Variants in KCNJ6 observed in about 807,000 individuals in gnomAD.
KCNJ6 encodes the protein potassium inwardly rectifying channel subfamily J member 6.
Under a neutral mutation model 34.2 loss-of-function variants are expected in KCNJ6, and 9 were observed. The ratio of observed to expected loss-of-function variants is 0.26; its 90% CI spans 0.16 to 0.46. KCNJ6 has a LOEUF of 0.46. KCNJ6 is among the 20% of genes least tolerant of loss of function. KCNJ6 has a pLI of 1.00. For synonymous variants in KCNJ6, 196 were observed against 207.1 expected (o/e 0.95, Z 0.46); for missense variants, 236 against 531.3 (o/e 0.44, Z 5.46).
At chr21:37,895,607 C>T (rs1002724760) in intron 1 of KCNJ6, among the ~76,000 whole-genome samples, 1 of 152,204 alleles carries the variant, frequency 6.6e-6, no homozygotes, top group Non-Finnish European at 1.5e-5. Flanking sequence ...CTGTCCCTCC[C>T]ACCTGGTGAA....
In KCNJ6 at chr21:37,611,489, T is replaced by C. The variant is rs2054242449; in HGVS notation, c.*13670A>G. 6.6e-6 allele frequency: 1 copy of C among 152,210 alleles called. No homozygotes were observed. The allele number at this position is 152,210 out of a possible 1,614,324, so 9.4% of individuals were successfully genotyped here. On this transcript the variant is annotated 3_prime_UTR_variant, in exon 4 of 4. Coordinates refer to ENST00000609713, the MANE Select transcript of KCNJ6 (RefSeq NM_002240.5). ...AGCAGAGAGAACACTTGCTAACTCA[T>C]TCTATGAATCCAGCATCACCTTAAT... is the stretch of plus-strand genomic sequence containing the variant.
At chr21:37,885,205 C>A (rs552487474) in intron 1 of KCNJ6, among the ~76,000 whole-genome samples, 34 of 152,292 alleles carry the variant, frequency 2.2e-4, no homozygotes, top group Admixed American at 8.5e-4. Flanking sequence ...GCCACTTCAT[C>A]ACATAGCAGG....
intron 3 of KCNJ6, among the ~76,000 whole-genome samples, chr21:37,713,262 T>C (rs2054772039): frequency 6.6e-6 from 1 of 152,186 alleles, no homozygotes; most frequent in East Asian, 1.9e-4. Context: ...AATCTCAAGC[T>C]GAAGACTTAA....
intron 2 of KCNJ6, among the ~76,000 whole-genome samples, chr21:37,722,885 AT>A (rs2054833969): frequency 6.6e-6 from 1 of 152,208 alleles, no homozygotes; most frequent in African/African-American, 2.4e-5. Context: ...CGGAAAGAAT[AT>A]ATGACTACGT....
intron 3 of KCNJ6, among the ~76,000 whole-genome samples, chr21:37,688,286 C>T (rs369823120): frequency 2.6e-5 from 4 of 152,114 alleles, no homozygotes; most frequent in Middle Eastern, 3.2e-3. Context: ...TCTAACTTGA[C>T]ATTTTTAGAT....
rs2054229034 is a variant in KCNJ6 at position 37,607,631 on chromosome 21, G to C, written c.*17528C>G. The C allele has an allele frequency of 6.6e-6, 1 of 151,886 alleles. No homozygotes were observed. Among genetic ancestry groups the C allele is most frequent in the Non-Finnish European group, 1.5e-5 (1 of 67,992 alleles). 9.4% of individuals were successfully genotyped at this position (151,886 alleles called of 1,614,324 possible). ...GGAGTTACAAAAGGACCAAAAAATG[G>C]GACAGGAGCCAAACCAGTACTTGAG... On this transcript the variant is annotated 3_prime_UTR_variant, in exon 4 of 4. Coordinates refer to ENST00000609713, the MANE Select transcript of KCNJ6 (RefSeq NM_002240.5).
At chr21:37,874,486 C>T (rs2055667835) in intron 1 of KCNJ6, among the ~76,000 whole-genome samples, 1 of 152,232 alleles carries the variant, frequency 6.6e-6, no homozygotes, top group African/African-American at 2.4e-5. Context: ...TCTCAAAATT[C>T]ACCTGACCAA....
chr21:37,871,489 T>G (rs1051451489), intron 1 of KCNJ6, among the ~76,000 whole-genome samples: 1 of 152,228 alleles, frequency 6.6e-6, no homozygotes, highest in Non-Finnish European at 1.5e-5. Context: ...GAGGGCCCGA[T>G]GAGGGCAGAG....
chr21:37,653,719 G>A (rs181010728), intron 3 of KCNJ6, among the ~76,000 whole-genome samples: 2 of 152,114 alleles, frequency 1.3e-5, no homozygotes, highest in Non-Finnish European at 2.9e-5. Flanking sequence ...TTCTAGTTTG[G>A]TATTCTGAGC....
At chr21:37,826,353 G>A (rs1332736631) in intron 2 of KCNJ6, among the ~76,000 whole-genome samples, 2 of 152,124 alleles carry the variant, frequency 1.3e-5, no homozygotes, top group East Asian at 1.9e-4. Context: ...CCAGGAAGTG[G>A]GGCATTTCAG....
intron 2 of KCNJ6, among the ~76,000 whole-genome samples, chr21:37,728,235 G>A (rs756182756): frequency 2.0e-5 from 3 of 152,154 alleles, no homozygotes; most frequent in South Asian, 2.1e-4. Flanking sequence ...TTTCACTTAC[G>A]TGAGGTTCCT....
intron 1 of KCNJ6, among the ~76,000 whole-genome samples, chr21:37,863,499 G>A (rs1275916077): frequency 6.6e-6 from 1 of 152,212 alleles, no homozygotes; most frequent in Non-Finnish European, 1.5e-5. Flanking sequence ...TATTCTTCAG[G>A]AAGTACCTCT....
intron 2 of KCNJ6, among the ~76,000 whole-genome samples, chr21:37,718,494 G>T (rs1390406579): frequency 6.6e-6 from 1 of 152,168 alleles, no homozygotes; most frequent in African/African-American, 2.4e-5. Flanking sequence ...GAATTAGTCT[G>T]GGGTTAATTA....
At chr21:37,687,289 C>G (rs957725366) in intron 3 of KCNJ6, among the ~76,000 whole-genome samples, 1 of 152,132 alleles carries the variant, frequency 6.6e-6, no homozygotes, top group African/African-American at 2.4e-5. Flanking sequence ...TCCAGCTGAC[C>G]CAGACTCACC....
chr21:37,715,863 A>G (rs1161697031), intron 2 of KCNJ6, among the ~76,000 whole-genome samples: 2 of 152,214 alleles, frequency 1.3e-5, no homozygotes, highest in African/African-American at 2.4e-5. Context: ...TCCAGCCTCC[A>G]GAACGATGAG....
At chr21:37,884,646 C>T (rs1000268544) in intron 1 of KCNJ6, among the ~76,000 whole-genome samples, 46 of 152,268 alleles carry the variant, frequency 3.0e-4, no homozygotes, top group African/African-American at 1.0e-3. Flanking sequence ...CTCAGAGTTC[C>T]ATAGTCTATC....
At chr21:37,767,256 C>A (rs2055095698) in intron 2 of KCNJ6, among the ~76,000 whole-genome samples, 1 of 152,190 alleles carries the variant, frequency 6.6e-6, no homozygotes, top group Non-Finnish European at 1.5e-5. Context: ...CGTCCAGCTG[C>A]CTCGTCCTCA....
chr21:37,641,079 C>G (rs973783771), intron 3 of KCNJ6, among the ~76,000 whole-genome samples: 5 of 152,200 alleles, frequency 3.3e-5, no homozygotes, highest in African/African-American at 1.2e-4. Flanking sequence ...GAACCTCACA[C>G]ACTTTCACAG....
rs962128236 is a variant in KCNJ6 at position 37,671,004 on chromosome 21, G to A, written c.946+43207C>T. Among the ~76,000 whole-genome samples, 225 of 152,080 alleles carry A rather than the reference G, an allele frequency of 1.5e-3. 1 individual carries two copies. The highest frequency in any genetic ancestry group is 5.3e-3 in the African/African-American group (219 of 41,400). The stretch of plus-strand genomic sequence containing the variant: ...TTGAATTGTCCATTGCTAGTGTATT[G>A]TGATATTGTGAAATATATATTTGGC... On this transcript the variant is annotated intron_variant, in intron 3 of 3. Coordinates refer to ENST00000609713, the MANE Select transcript of KCNJ6 (RefSeq NM_002240.5).
Sources: allele counts gnomAD v4.1 joint callset (sites outside exome capture counted in the v4.1 genomes callset), GRCh38; gene constraint gnomAD v4.1.1; transcripts MANE v1.5; gene names NCBI Gene and HGNC (gene_info 2026-07-23, HGNC 2026-07-21).